Variants in ITPRID1 observed in about 807,000 individuals in gnomAD.
ITPRID1 encodes the protein protein ITPRID1.
A neutral mutation model predicts 95.4 loss-of-function variants in ITPRID1; 96 were observed. That is an observed-to-expected ratio of 1.01 (90% confidence interval 0.85 to 1.19). The LOEUF is 1.19. ITPRID1 is among the 50% of genes most tolerant of loss of function. The pLI, the probability that ITPRID1 is intolerant of heterozygous loss-of-function variation, is 0.00. For missense variants in ITPRID1, 1,339 were observed against 1,252.9 expected (o/e 1.07, Z -1.04); for synonymous variants, 510 against 453.6 (o/e 1.12, Z -1.58).
chr7:31,540,530 C>T (rs1783901033), intron 1 of ITPRID1, among the ~76,000 whole-genome samples: 1 of 152,214 alleles, frequency 6.6e-6, no homozygotes, highest in South Asian at 2.1e-4. Context: ...AATTTTCTCT[C>T]TCCAGTTTCC....
At chr7:31,561,632 C>T (rs1442957217) in intron 5 of ITPRID1, among the ~76,000 whole-genome samples, 1 of 152,176 alleles carries the variant, frequency 6.6e-6, no homozygotes, top group African/African-American at 2.4e-5. Flanking sequence ...AGGATGGACT[C>T]TCATCTTCTG....
intron 10 of ITPRID1, among the ~76,000 whole-genome samples, chr7:31,589,572 TA>T: frequency 6.6e-6 from 1 of 151,946 alleles, no homozygotes; most frequent in Admixed American, 6.6e-5. Context: ...AAATCAAAGA[TA>T]AAAGAAAATA....
chr7:31,656,001 C>T lies in ITPRID1; in HGVS notation c.*3172C>T. On this transcript the variant is annotated 3_prime_UTR_variant, in exon 15 of 15. Transcript: ENST00000615280. ...AAACCACCTCCTGTGTTCCTGCTTC[C>T]TCTCCTTTGCTGAAACAAATGAAGT... is the stretch of plus-strand genomic sequence containing the variant. 1 of 985,180 alleles carries T rather than the reference C, an allele frequency of 1.0e-6. No individual in the cohort carries two copies. 61.0% of individuals were successfully genotyped at this position (985,180 alleles called of 1,614,324 possible). A position where few individuals can be genotyped will look rare whatever the true frequency, so the allele number is the denominator to read the frequency against.
chr7:31,613,010 C>G (rs192768300), intron 10 of ITPRID1, among the ~76,000 whole-genome samples: 235 of 152,280 alleles, frequency 1.5e-3, no homozygotes, highest in African/African-American at 5.4e-3. Context: ...TTAGGAATCT[C>G]TGAACTAGGT....
intron 10 of ITPRID1, among the ~76,000 whole-genome samples, chr7:31,591,670 A>G (rs1610061): frequency 0.38 from 57,418 of 151,976 alleles, 12,185 homozygotes; most frequent in East Asian, 0.53. Flanking sequence ...AACAATGAAT[A>G]GTGCCAAATC....
chr7:31,556,165 A>T (rs1784439362), intron 5 of ITPRID1, among the ~76,000 whole-genome samples: 1 of 152,142 alleles, frequency 6.6e-6, no homozygotes, highest in Non-Finnish European at 1.5e-5. Context: ...TCCTCTTCTG[A>T]ACCAAGTCAA....
intron 10 of ITPRID1, among the ~76,000 whole-genome samples, chr7:31,586,296 A>G (rs1785603215): frequency 1.4e-5 from 2 of 144,524 alleles, no homozygotes; most frequent in Non-Finnish European, 3.0e-5. Flanking sequence ...GCCGCAATAA[A>G]CATACGTGTG....
At chr7:31,522,935 A>G (rs1288403385) in intron 1 of ITPRID1, among the ~76,000 whole-genome samples, 2 of 152,194 alleles carry the variant, frequency 1.3e-5, no homozygotes, top group Non-Finnish European at 2.9e-5. Flanking sequence ...TTGTAGATAT[A>G]ATGTACGTAT....
chr7:31,639,677 C>T (rs181358737), intron 10 of ITPRID1, among the ~76,000 whole-genome samples: 1 of 152,000 alleles, frequency 6.6e-6, no homozygotes, highest in Admixed American at 6.6e-5. Context: ...TCTGGGACTA[C>T]AGGTGCCTGC....
At chr7:31,615,308 T>C (rs1464454428) in intron 10 of ITPRID1, among the ~76,000 whole-genome samples, 1 of 152,142 alleles carries the variant, frequency 6.6e-6, no homozygotes, top group Non-Finnish European at 1.5e-5. Context: ...ACTTGTGTAA[T>C]CTACGGTAAG....
At chr7:31,589,404 C>T (rs769675182) in intron 10 of ITPRID1, among the ~76,000 whole-genome samples, 9 of 151,540 alleles carry the variant, frequency 5.9e-5, no homozygotes, top group Admixed American at 2.6e-4. Flanking sequence ...GAAAACTGTG[C>T]GAGAAAAAAA....
rs747718156 is a variant in ITPRID1, at chr7:31,643,410, G to A, written c.2040G>A (p.Arg680=). ...LPGDPAQVKS[R]SGTLGQILPG... ...GAGATCCTGCCCAGGTGAAGTCAAG[G>A]TCTGGTACTTTGGGTCAGATACTAC... The change falls in exon 12 of 15, where the codon AGG becomes AGA. Residue 680 remains arginine, a synonymous_variant. Coordinates refer to ENST00000615280, the MANE Select transcript of ITPRID1 (RefSeq NM_001257967.3). 3.7e-6 allele frequency: 6 copies of A among 1,613,874 alleles called. No individual in the cohort carries two copies. The Admixed American group carries it at 8.3e-5, about 22-fold the overall frequency.
chr7:31,534,379 C>A (rs1044443263), intron 1 of ITPRID1, among the ~76,000 whole-genome samples: 2 of 152,102 alleles, frequency 1.3e-5, no homozygotes, highest in Non-Finnish European at 2.9e-5. Flanking sequence ...GTTAAATCTC[C>A]AGCTCTGAAT....
intron 10 of ITPRID1, among the ~76,000 whole-genome samples, chr7:31,604,726 T>G (rs766587616): frequency 7.2e-5 from 11 of 152,234 alleles, no homozygotes; most frequent in Non-Finnish European, 1.5e-4. Context: ...AAAATTACGT[T>G]TAACAAGTTT....
At chr7:31,530,522 G>A (rs183320252) in intron 1 of ITPRID1, among the ~76,000 whole-genome samples, 1 of 152,048 alleles carries the variant, frequency 6.6e-6, no homozygotes, top group South Asian at 2.1e-4. Flanking sequence ...TAAATAAATA[G>A]GTCACAGTTA....
At chr7:31,622,337 A>G (rs1045570810) in intron 10 of ITPRID1, among the ~76,000 whole-genome samples, 1 of 152,156 alleles carries the variant, frequency 6.6e-6, no homozygotes, top group Non-Finnish European at 1.5e-5. Flanking sequence ...CCTATTCAAA[A>G]ATTGACCAGA....
At chr7:31,536,011 A>C (rs541382450) in intron 1 of ITPRID1, among the ~76,000 whole-genome samples, 171 of 152,184 alleles carry the variant, frequency 1.1e-3, no homozygotes, top group African/African-American at 3.9e-3. Flanking sequence ...CTGTAGTTTA[A>C]TATATTTCTT....
chr7:31,624,895 G>C (rs995587109), intron 10 of ITPRID1, among the ~76,000 whole-genome samples: 2 of 152,072 alleles, frequency 1.3e-5, no homozygotes, highest in African/African-American at 4.8e-5. Flanking sequence ...CTAATATCCA[G>C]AATCTACAAT....
At chr7:31,528,803 G>A (rs1169524446) in intron 1 of ITPRID1, among the ~76,000 whole-genome samples, 2 of 151,954 alleles carry the variant, frequency 1.3e-5, no homozygotes, top group East Asian at 3.9e-4. Flanking sequence ...TCTCATATTG[G>A]GGTTCCTCTG....
Sources: allele counts gnomAD v4.1 joint callset (sites outside exome capture counted in the v4.1 genomes callset), GRCh38; gene constraint gnomAD v4.1.1; transcripts MANE v1.5; gene names NCBI Gene and HGNC (gene_info 2026-07-23, HGNC 2026-07-21).